RAF1: variants seen among roughly 807,000 people sequenced by gnomAD.
The protein encoded by RAF1 is RAF proto-oncogene serine/threonine-protein kinase.
RAF1 carries 27 observed loss-of-function variants against 81.1 expected under a neutral mutation model. That is an observed-to-expected ratio of 0.33 (90% CI 0.25 to 0.46). The LOEUF is 0.46. Among genes scored for constraint, RAF1 ranks in the 20% least tolerant of loss-of-function variants. RAF1 has a pLI of 1.00. For missense variants in RAF1, 598 were observed against 826.0 expected (o/e 0.72, Z 3.38); for synonymous variants, 298 against 294.0 (o/e 1.01, Z -0.14).
At chr3:12,611,624 C>T (rs1200608776) in intron 3 of RAF1, among the ~76,000 whole-genome samples, 1 of 152,086 alleles carries the variant, frequency 6.6e-6, no homozygotes, top group Non-Finnish European at 1.5e-5. Context: ...GGCGTGAACC[C>T]GGGAGGCGGA....
At chr3:12,648,359 A>G (rs6442322) in intron 1 of RAF1, among the ~76,000 whole-genome samples, 61,976 of 151,096 alleles carry the variant, frequency 0.41, 13,909 homozygotes, top group East Asian at 0.89. Flanking sequence ...AAACACTAAC[A>G]ATTTCCACAC....
intron 11 of RAF1, among the ~76,000 whole-genome samples, chr3:12,595,446 A>G (rs1002048351): frequency 3.9e-5 from 6 of 151,948 alleles, no homozygotes; most frequent in African/African-American, 1.2e-4. Flanking sequence ...CTCTCATCAC[A>G]CTCATTTTCA....
At chr3:12,598,536 C>T (rs1055015438) in intron 11 of RAF1, among the ~76,000 whole-genome samples, 43 of 151,892 alleles carry the variant, frequency 2.8e-4, no homozygotes, top group African/African-American at 1.0e-3. Context: ...AGTTGGAGAC[C>T]AGCCTGGGCA....
intron 1 of RAF1, among the ~76,000 whole-genome samples, chr3:12,653,833 G>A (rs2060605626): frequency 1.3e-5 from 2 of 152,046 alleles, no homozygotes; most frequent in East Asian, 1.9e-4. Context: ...GGTCCCATAT[G>A]AAGTACCACT....
At chr3:12,609,453 CAAT>C (rs1354300920) in intron 3 of RAF1, 118 bp from the exon 4 acceptor site, 23 of 706,964 alleles carry the variant, frequency 3.3e-5, no homozygotes, top group African/African-American at 2.9e-4. Flanking sequence ...ATCCATACAA[CAAT>C]AATTTATTTA....
chr3:12,622,935 G>T (rs2059594453), intron 1 of RAF1, among the ~76,000 whole-genome samples: 1 of 152,104 alleles, frequency 6.6e-6, no homozygotes, highest in Non-Finnish European at 1.5e-5. Flanking sequence ...GGCCCAGATG[G>T]GAGGACAGCT....
intron 14 of RAF1, chr3:12,586,729 G>T (rs2058345105): frequency 6.6e-6 from 1 of 152,180 alleles, no homozygotes; most frequent in South Asian, 2.1e-4. Context: ...ACGCCTCACA[G>T]CATTAAAAAT....
chr3:12,653,590 T>C (rs1170174650), intron 1 of RAF1, among the ~76,000 whole-genome samples: 2 of 151,904 alleles, frequency 1.3e-5, no homozygotes, highest in Admixed American at 1.3e-4. Flanking sequence ...ACTAAAAATA[T>C]AAACATTAGC....
At chr3:12,619,391 C>T (rs188323387) in intron 1 of RAF1, among the ~76,000 whole-genome samples, 159 of 152,058 alleles carry the variant, frequency 1.0e-3, no homozygotes, top group Admixed American at 4.1e-3. Context: ...TGGTAAAATG[C>T]TGTCACTACT....
At chr3:12,609,718 C>T (rs1243965206) in intron 3 of RAF1, among the ~76,000 whole-genome samples, 7 of 152,220 alleles carry the variant, frequency 4.6e-5, no homozygotes, top group African/African-American at 1.4e-4. Context: ...TGGCCTCAAG[C>T]GGTCCTCCTG....
intron 1 of RAF1, among the ~76,000 whole-genome samples, chr3:12,629,430 ATATTAGCTAATG>A (rs955347390): frequency 6.6e-6 from 1 of 152,210 alleles, no homozygotes; most frequent in African/African-American, 2.4e-5. Flanking sequence ...AACAATAATG[ATATTAGCTAATG>A]TATTAGCTAA....
intron 1 of RAF1, among the ~76,000 whole-genome samples, chr3:12,647,671 C>T (rs1235394059): frequency 6.6e-6 from 1 of 152,168 alleles, no homozygotes; most frequent in Non-Finnish European, 1.5e-5. Flanking sequence ...AACTTTCACA[C>T]ATAAAAAGTT....
intron 1 of RAF1, among the ~76,000 whole-genome samples, chr3:12,645,075 G>C (rs569853797): frequency 4.6e-4 from 65 of 140,488 alleles, no homozygotes; most frequent in African/African-American, 1.7e-3. Context: ...CTCCAGCCTG[G>C]TGACAGAGCG....
chr3:12,611,831 A>G, intron 3 of RAF1, 119 bp downstream of exon 3: 1 of 772,322 alleles, frequency 1.3e-6, no homozygotes. Flanking sequence ...TTTATAAAGA[A>G]AGGTATAGAA....
In RAF1 at chr3:12,616,988, G is replaced by A. The variant is rs570922572; in HGVS notation, c.207+1527C>T. The stretch of plus-strand genomic sequence containing the variant: ...GGCTCTCTGTCACCCAGGCTGGGGT[G>A]AAGTGGTGCAATCTCAGCTCACTGC... On this transcript the variant is annotated intron_variant, in intron 2 of 17. Transcript: ENST00000442415. Among the ~76,000 whole-genome samples, 3 of 152,300 alleles carry A rather than the reference G, an allele frequency of 2.0e-5. No individual in the cohort carries two copies. In the East Asian group the frequency reaches 5.8e-4, roughly 29 times the overall value.
rs572488062 is a variant in RAF1 at position 12,590,818 on chromosome 3, C to T, written c.1410G>A (p.Arg470=). 4 of 1,613,676 alleles carry T rather than the reference C, an allele frequency of 2.5e-6. No individual in the cohort carries two copies. The African/African-American group carries it at 4.0e-5, about 16-fold the overall frequency. ...CTCACTCCATTCCCTGAGCCGTCTG[C>T]CGGGCAATGTCAATTAGCTGGAACA... is the stretch of plus-strand genomic sequence containing the variant. Residue 470 remains arginine (R), a synonymous_variant, in exon 13 of 18, where the codon CGG becomes CGA. Transcript: ENST00000442415.
At chr3:12,642,294 C>CAA (rs112792127) in intron 1 of RAF1, among the ~76,000 whole-genome samples, 81 of 135,742 alleles carry the variant, frequency 6.0e-4, no homozygotes, top group African/African-American at 1.9e-3. Flanking sequence ...ACTAAAAATA[C>CAA]AAAAAAAAAA....
chr3:12,658,098 T>C lies in RAF1; in HGVS notation c.-27+5715A>G, dbSNP rs148322950. On this transcript the variant is annotated intron_variant, in intron 1 of 17. Transcript: ENST00000442415. ...CCTTTCTTTTTATTACTGAGTAACATTCCATCACATAGTAGTGCTTCCATA... is the reference window on the plus strand; with the variant it reads ...CCTTTCTTTTTATTACTGAGTAACACTCCATCACATAGTAGTGCTTCCATA... 4.7e-3 allele frequency among the ~76,000 whole-genome samples: 718 copies of C among 152,308 alleles called. 8 individuals carry two copies. The highest frequency in any genetic ancestry group is 0.016 in the African/African-American group (666 of 41,568).
chr3:12,630,807 T>C (rs1392513468), intron 1 of RAF1, among the ~76,000 whole-genome samples: 1 of 152,110 alleles, frequency 6.6e-6, no homozygotes, highest in Non-Finnish European at 1.5e-5. Context: ...CAATCTACCT[T>C]AGATTTTTTC....
Sources: allele counts gnomAD v4.1 joint callset (sites outside exome capture counted in the v4.1 genomes callset), GRCh38; gene constraint gnomAD v4.1.1; transcripts MANE v1.5; gene names NCBI Gene and HGNC (gene_info 2026-07-23, HGNC 2026-07-21).